Variants in PPOX observed in about 807,000 individuals in gnomAD.
PPOX encodes variegate porphyria.
A neutral mutation model predicts 54.1 loss-of-function variants in PPOX; 23 were observed. The ratio of observed to expected loss-of-function variants is 0.43; its 90% CI spans 0.31 to 0.60. The LOEUF (loss-of-function observed/expected upper bound fraction) is 0.60. PPOX is among the 20% of genes least tolerant of loss of function. PPOX has a pLI of 0.13. For synonymous variants in PPOX, 224 were observed against 236.1 expected, an observed-to-expected ratio of 0.95 and a Z score of 0.47; for missense variants, 512 against 601.1, an observed-to-expected ratio of 0.85 and a Z score of 1.55.
chr1:161,169,678 A>G lies in PPOX; in HGVS notation c.826A>G (p.Ser276Gly). The change falls in exon 8 of 13, where the codon AGT becomes GGT. Residue 276 changes from serine (S) to glycine (G), a missense_variant. Coordinates refer to ENST00000367999, the MANE Select transcript of PPOX (RefSeq NM_001122764.3). The part of the protein sequence containing the change: ...GRWKVSLRDS[S>G]LEADHVISAI... ...CTCTCAGGTATCTCTAAGGGACAGC[A>G]GTCTGGAGGCTGACCACGTTATTAG... 1 of 1,614,192 alleles carries G rather than the reference A, an allele frequency of 6.2e-7. No homozygotes were observed. The highest frequency in any genetic ancestry group is 8.5e-7 in the Non-Finnish European group (1 of 1,180,024).
In PPOX at chr1:161,167,188, G is replaced by A. The variant is rs1558020402; in HGVS notation, c.176G>A (p.Arg59Gln). The A allele has an allele frequency of 1.2e-6, 2 of 1,614,194 alleles. No individual in the cohort carries two copies. The highest frequency in any genetic ancestry group is 1.3e-5 in the African/African-American group (1 of 75,042). ...PNGAIFELGP[R>Q]GIRPAGALGA... Reference sequence around the variant, plus strand: ...GGTGCTATCTTTGAGCTTGGACCTCGGGGAATTAGGCCAGCGGGAGCCCTA... The same window carrying A: ...GGTGCTATCTTTGAGCTTGGACCTCAGGGAATTAGGCCAGCGGGAGCCCTA... Residue 59 changes from arginine (R) to glutamine (Q), a missense_variant, in exon 3 of 13, where the codon CGG (arginine) becomes CAG (glutamine). Physicochemically the swap from Arg to Gln is conservative, Grantham distance 43 (BLOSUM62 1). Transcript: ENST00000367999.
chr1:161,177,616 G>C (rs1269356236), downstream of PPOX: 3 of 158,432 alleles, frequency 1.9e-5, no homozygotes, highest in Admixed American at 1.8e-4. Flanking sequence ...AGCAGCGCCT[G>C]AGCCTGCCCA....
chr1:161,176,067 G>C (rs1432729611), downstream of PPOX: 1 of 1,613,946 alleles, frequency 6.2e-7, no homozygotes, highest in East Asian at 2.2e-5. Flanking sequence ...ACATCCTGGG[G>C]GTGAGATCTA....
chr1:161,167,763 C>A (rs1659645367), intron 4 of PPOX: 1 of 711,228 alleles, frequency 1.4e-6, no homozygotes, highest in Admixed American at 2.9e-5. Context: ...TGGGGTTTCA[C>A]CATATTGGCC....
At chr1:161,169,747 C>T (rs369210674) in intron 8 of PPOX, 27 bp downstream of exon 8, 28 of 1,613,914 alleles carry the variant, frequency 1.7e-5, no homozygotes, top group Non-Finnish European at 2.4e-5. Flanking sequence ...CTTCCCCTTC[C>T]CCAACCCCTA....
intron 4 of PPOX, 72 bp downstream of exon 4, chr1:161,167,558 T>TTTC (rs1659493173): frequency 9.7e-6 from 2 of 206,618 alleles, no homozygotes; most frequent in Non-Finnish European, 1.4e-5. Flanking sequence ...TCTTCTTTTC[T>TTTC]TTTTTTTTTT....
At chr1:161,175,869 G>A, downstream of PPOX, 2 of 1,614,130 alleles carry the variant, frequency 1.2e-6, no homozygotes, top group Non-Finnish European at 8.5e-7. Flanking sequence ...GACCCCCTGG[G>A]GCCCCAGGCA....
At chr1:161,171,761 G>C (rs887281727), downstream of PPOX, 38 of 1,592,924 alleles carry the variant, frequency 2.4e-5, no homozygotes, top group Non-Finnish European at 3.0e-5. Context: ...TGAGGGTGGG[G>C]AGAATACAAC....
intron 6 of PPOX, 109 bp downstream of exon 6, chr1:161,168,685 T>C: frequency 2.1e-6 from 3 of 1,425,360 alleles, no homozygotes; most frequent in Non-Finnish European, 2.9e-6. Flanking sequence ...TGAGACGGAG[T>C]CTTGCTCTGC....
At chr1:161,176,485 G>C (rs1022046562) in intron 4 of PPOX, 11 of 378,428 alleles carry the variant, frequency 2.9e-5, no homozygotes, top group African/African-American at 2.2e-4. Context: ...GGGGTCCCGG[G>C]GGGACAGAGA....
chr1:161,175,704 C>G (rs919458327), downstream of PPOX: 11 of 1,512,940 alleles, frequency 7.3e-6, no homozygotes, highest in Admixed American at 7.6e-5. Context: ...CCTACCTATC[C>G]TCTTCTAAGT....
At chr1:161,172,412 A>T, downstream of PPOX, 1 of 1,249,230 alleles carries the variant, frequency 8.0e-7, no homozygotes, top group African/African-American at 1.5e-5. Context: ...GTACACACAA[A>T]AAAACAACTA....
downstream of PPOX, chr1:161,171,830 G>C (rs371077103): frequency 6.2e-7 from 1 of 1,614,088 alleles, no homozygotes; most frequent in South Asian, 1.1e-5. Flanking sequence ...TGTGAACCTC[G>C]GAGGGCTGTG....
At chr1:161,176,679 T>G in intron 4 of PPOX, 1 of 604,460 alleles carries the variant, frequency 1.7e-6, no homozygotes, top group Non-Finnish European at 2.9e-6. Context: ...AGGAAAGTGG[T>G]TGGAAAGGAA....
At chr1:161,172,360 G>A, downstream of PPOX, 5 of 1,582,906 alleles carry the variant, frequency 3.2e-6, no homozygotes, top group Non-Finnish European at 3.5e-6. Context: ...TATCATGGGG[G>A]ATCCAGAGTA....
At chr1:161,175,791 C>G, downstream of PPOX, 1 of 1,609,900 alleles carries the variant, frequency 6.2e-7, no homozygotes, top group South Asian at 1.1e-5. Flanking sequence ...TCACCACCTC[C>G]TTCCTCCTGC....
chr1:161,173,079 A>G (rs1485878460), downstream of PPOX, among the ~76,000 whole-genome samples: 1 of 152,200 alleles, frequency 6.6e-6, no homozygotes. Context: ...GTCATCACAG[A>G]GGACACAGGG....
At chr1:161,176,153 G>T, downstream of PPOX, 1 of 1,475,974 alleles carries the variant, frequency 6.8e-7, no homozygotes, top group Non-Finnish European at 9.3e-7. Context: ...AGGGTTGAAG[G>T]TGATGCCAGG....
intron 4 of PPOX, 143 bp from the exon 5 acceptor site, chr1:161,167,852 C>G: frequency 7.3e-7 from 1 of 1,370,016 alleles, no homozygotes; most frequent in Non-Finnish European, 1.0e-6. Flanking sequence ...CGTGAGCCAC[C>G]ACGCCCGACC....
Sources: allele counts gnomAD v4.1 joint callset (sites outside exome capture counted in the v4.1 genomes callset), GRCh38; gene constraint gnomAD v4.1.1; transcripts MANE v1.5; gene names NCBI Gene and HGNC (gene_info 2026-07-23, HGNC 2026-07-21).